The following GSAP variants were observed in gnomAD, a reference collection of about 807,000 sequenced individuals.
GSAP encodes gamma-secretase-activating protein.
Under a neutral mutation model 131.7 loss-of-function variants are expected in GSAP, and 118 were observed. The ratio of observed to expected loss-of-function variants is 0.90; its 90% CI spans 0.77 to 1.04. GSAP has a LOEUF of 1.04. GSAP is among the 50% of genes least tolerant of loss of function. GSAP has a pLI of 0.00. For missense variants in GSAP, 1,019 were observed against 1,013.2 expected, an observed-to-expected ratio of 1.01 and a Z score of -0.08; for synonymous variants, 381 against 363.4, an observed-to-expected ratio of 1.05 and a Z score of -0.55.
intron 14 of GSAP, among the ~76,000 whole-genome samples, chr7:77,355,990 C>A (rs539246080): frequency 6.7e-6 from 1 of 149,968 alleles, no homozygotes; most frequent in African/African-American, 2.5e-5. Flanking sequence ...TGGAGTCTCA[C>A]CATGTTGCCC....
intron 1 of GSAP, among the ~76,000 whole-genome samples, chr7:77,410,818 C>T (rs1803129452): frequency 6.6e-6 from 1 of 151,994 alleles, no homozygotes; most frequent in African/African-American, 2.4e-5. Context: ...GTCATTCAGC[C>T]TTATACAAAA....
chr7:77,352,828 T>A (rs1304380408), intron 18 of GSAP, 116 bp downstream of exon 18: 1 of 593,738 alleles, frequency 1.7e-6, no homozygotes, highest in Non-Finnish European at 3.0e-6. Context: ...GAGTTCTTTA[T>A]CAGTCAAAAC....
At chr7:77,334,580 TAAAAAAA>T (rs57442782) in intron 19 of GSAP, among the ~76,000 whole-genome samples, 2 of 81,924 alleles carry the variant, frequency 2.4e-5, no homozygotes, top group Admixed American at 1.6e-4. Flanking sequence ...ACTTAAAATT[TAAAAAAA>T]AAAAAAAAAA....
intron 21 of GSAP, among the ~76,000 whole-genome samples, chr7:77,329,012 T>TA (rs2047744765): frequency 1.3e-4 from 18 of 142,614 alleles, no homozygotes; most frequent in Non-Finnish European, 1.5e-4. Flanking sequence ...CACTGACACT[T>TA]TAAAAAAAAA....
At chr7:77,401,779 T>C (rs1042393097) in intron 3 of GSAP, among the ~76,000 whole-genome samples, 7 of 152,160 alleles carry the variant, frequency 4.6e-5, no homozygotes, top group Admixed American at 2.0e-4. Context: ...AAAGAATGTA[T>C]AGGAAATATC....
At chr7:77,317,062 C>A (rs1795040397) in intron 26 of GSAP, among the ~76,000 whole-genome samples, 1 of 152,084 alleles carries the variant, frequency 6.6e-6, no homozygotes. Context: ...TATAGAAACA[C>A]CCTGAATTCA....
chr7:77,399,445 G>A (rs184323814), intron 3 of GSAP, among the ~76,000 whole-genome samples: 286 of 152,266 alleles, frequency 1.9e-3, no homozygotes, highest in African/African-American at 6.3e-3. Flanking sequence ...GTGGAAAAGA[G>A]AAGAGTCCAT....
At chr7:77,325,018 G>A (rs909636369) in intron 23 of GSAP, among the ~76,000 whole-genome samples, 5 of 151,996 alleles carry the variant, frequency 3.3e-5, no homozygotes, top group Non-Finnish European at 7.4e-5. Flanking sequence ...GTTTCACCAT[G>A]TTGACTAGGC....
At chr7:77,399,339 A>G (rs1200745980) in intron 3 of GSAP, among the ~76,000 whole-genome samples, 3 of 152,218 alleles carry the variant, frequency 2.0e-5, no homozygotes, top group Non-Finnish European at 4.4e-5. Flanking sequence ...TTCTGGGTTC[A>G]ATACATTTGT....
chr7:77,399,821 G>C (rs774204658), intron 3 of GSAP, among the ~76,000 whole-genome samples: 2 of 152,120 alleles, frequency 1.3e-5, no homozygotes, highest in Non-Finnish European at 2.9e-5. Context: ...GAAATGCAGA[G>C]AGAAGGCAGC....
At chr7:77,330,722 G>A (rs546468251) in intron 19 of GSAP, 177 of 989,814 alleles carry the variant, frequency 1.8e-4, no homozygotes, top group Non-Finnish European at 2.0e-4. Flanking sequence ...CTTGAGACCC[G>A]TTTTTATGAC....
At chr7:77,408,709 A>G (rs868743511) in intron 1 of GSAP, among the ~76,000 whole-genome samples, 40 of 151,158 alleles carry the variant, frequency 2.6e-4, no homozygotes, top group Middle Eastern at 3.4e-3. Flanking sequence ...AAAAAAAAAA[A>G]AAAAGAAAAG....
chr7:77,354,677 CTTT>C (rs58464934), intron 16 of GSAP, among the ~76,000 whole-genome samples: 8 of 140,802 alleles, frequency 5.7e-5, no homozygotes, highest in South Asian at 2.2e-4. Context: ...CGTCTAATGT[CTTT>C]TTTTTTTTTT....
chr7:77,329,262 G>A (rs1788733697), intron 21 of GSAP, 71 bp downstream of exon 21: 2 of 822,672 alleles, frequency 2.4e-6, no homozygotes, highest in African/African-American at 1.8e-5. Context: ...TCTATAAAAG[G>A]TAGCCAACAA....
intron 18 of GSAP, among the ~76,000 whole-genome samples, chr7:77,350,602 C>G (rs1190697733): frequency 8.0e-5 from 12 of 150,498 alleles, no homozygotes; most frequent in Non-Finnish European, 1.5e-4. Context: ...AATTAGCCAG[C>G]CATGGTGGCA....
chr7:77,374,864 G>A (rs1307708760), intron 11 of GSAP, among the ~76,000 whole-genome samples, 194 bp downstream of exon 11: 3 of 152,034 alleles, frequency 2.0e-5, no homozygotes, highest in African/African-American at 4.8e-5. Flanking sequence ...TCATACAATT[G>A]ACCTTATATG....
At chr7:77,371,110 CCT>C (rs1234642614) in intron 12 of GSAP, among the ~76,000 whole-genome samples, 1 of 152,110 alleles carries the variant, frequency 6.6e-6, no homozygotes, top group Non-Finnish European at 1.5e-5. Context: ...AGTCTTGACC[CCT>C]CTTCTAAGCT....
rs1562894443 is a variant in GSAP at position 77,320,833 on chromosome 7, A to AG, written c.1995-15_1995-14insC. ...CCACGACTATTGCTGGGTAAAAAAA[A>AG]CAAAGCAGCATGTCAGCCAAGGAGC... On this transcript the variant is annotated splice_polypyrimidine_tract_variant and intron_variant, in intron 25 of 30. Coordinates refer to ENST00000257626, the MANE Select transcript of GSAP (RefSeq NM_017439.4). The AG allele has an allele frequency of 6.5e-7, 1 of 1,541,340 alleles. No individual in the cohort carries two copies. Among genetic ancestry groups the AG allele is most frequent in the Non-Finnish European group, 9.0e-7 (1 of 1,113,960 alleles).
chr7:77,349,226 C>T (rs1792398066), intron 19 of GSAP, 125 bp downstream of exon 19: 1 of 695,362 alleles, frequency 1.4e-6, no homozygotes, highest in African/African-American at 1.8e-5. Context: ...CCAGAAAACC[C>T]ACCCTACTGC....
Sources: allele counts gnomAD v4.1 joint callset (sites outside exome capture counted in the v4.1 genomes callset), GRCh38; gene constraint gnomAD v4.1.1; transcripts MANE v1.5; gene names NCBI Gene and HGNC (gene_info 2026-07-23, HGNC 2026-07-21).